Variants in ATXN7L1 observed in about 807,000 individuals in gnomAD.
ATXN7L1 encodes ataxin 7 like 1, also known as ataxin-7-like protein 1.
Under a neutral mutation model 70.8 loss-of-function variants are expected in ATXN7L1, and 15 were observed. That is an observed-to-expected ratio of 0.21 (90% CI 0.14 to 0.33). ATXN7L1 has a LOEUF of 0.33. Ranked by LOEUF, ATXN7L1 falls within the 10% of genes least tolerant of loss-of-function variation. The pLI is 1.00. For synonymous variants in ATXN7L1, 440 were observed against 445.1 expected, an observed-to-expected ratio of 0.99 and a Z score of 0.14; for missense variants, 975 against 1,097.1, an observed-to-expected ratio of 0.89 and a Z score of 1.57.
chr7:105,754,875 G>C (rs1435393782), intron 3 of ATXN7L1, among the ~76,000 whole-genome samples: 1 of 152,186 alleles, frequency 6.6e-6, no homozygotes, highest in Admixed American at 6.5e-5. Context: ...TGCCCTCATG[G>C]GGTGGAATCT....
At position 105,664,999 on chromosome 7, in the gene ATXN7L1, A is replaced by G. The variant is rs555349277; in HGVS notation, c.578+67T>C. 1.4e-5 allele frequency: 20 copies of G among 1,419,810 alleles called. No homozygotes were observed. In the African/African-American group the frequency reaches 2.0e-4, roughly 14 times the overall value. 88.0% of individuals were successfully genotyped at this position (1,419,810 alleles called of 1,614,324 possible). On this transcript the variant is annotated intron_variant, in intron 4 of 11. Transcript: ENST00000419735. The stretch of plus-strand genomic sequence containing the variant: ...GGAACAAAGCCAGAGAGTAAATACT[A>G]TTTCCCCATGGTGACAGGAACAGCA...
chr7:105,670,131 G>A (rs565691052), intron 3 of ATXN7L1, among the ~76,000 whole-genome samples: 5 of 152,228 alleles, frequency 3.3e-5, no homozygotes, highest in African/African-American at 1.2e-4. Context: ...ACACAGTTTT[G>A]CGTTGGTGAG....
chr7:105,634,391 T>C (rs1480233821), intron 7 of ATXN7L1, among the ~76,000 whole-genome samples: 3 of 152,210 alleles, frequency 2.0e-5, no homozygotes, highest in African/African-American at 4.8e-5. Flanking sequence ...CAGAAGGCAA[T>C]TGACCTTGAT....
chr7:105,692,353 C>A (rs1790994802), intron 3 of ATXN7L1, among the ~76,000 whole-genome samples: 1 of 152,020 alleles, frequency 6.6e-6, no homozygotes, highest in African/African-American at 2.4e-5. Context: ...AAGGGACATG[C>A]TGGATGAATT....
intron 2 of ATXN7L1, among the ~76,000 whole-genome samples, chr7:105,796,841 C>A (rs973295928): frequency 6.6e-6 from 1 of 151,960 alleles, no homozygotes. Flanking sequence ...TTATTTGTTC[C>A]CCAATTCTAA....
intron 2 of ATXN7L1, among the ~76,000 whole-genome samples, chr7:105,847,207 T>C (rs1398557334): frequency 1.3e-5 from 2 of 152,318 alleles, no homozygotes; most frequent in African/African-American, 4.8e-5. Flanking sequence ...GCGTGTTCCC[T>C]GAAAAGGCAC....
At chr7:105,715,016 G>C (rs1794371232) in intron 3 of ATXN7L1, among the ~76,000 whole-genome samples, 1 of 152,176 alleles carries the variant, frequency 6.6e-6, no homozygotes, top group African/African-American at 2.4e-5. Flanking sequence ...TGGGTTTCTT[G>C]AGGGTGCGTG....
intron 2 of ATXN7L1, among the ~76,000 whole-genome samples, chr7:105,839,341 A>T (rs1812871185): frequency 6.6e-6 from 1 of 152,114 alleles, no homozygotes; most frequent in African/African-American, 2.4e-5. Context: ...AAACACTCCA[A>T]ATCCAACCCT....
In ATXN7L1 at chr7:105,677,669, T is replaced by G. The variant is rs140288431; in HGVS notation, c.356-12381A>C. ...CTTAACATTAAGTTCCCCTGATACA[T>G]GATAATGTCCATTAAAAACACACAC... On this transcript the variant is annotated intron_variant, in intron 3 of 11. Coordinates refer to ENST00000419735, the MANE Select transcript of ATXN7L1 (RefSeq NM_020725.2). 4.6e-3 allele frequency among the ~76,000 whole-genome samples: 702 copies of G among 152,314 alleles called. 6 individuals are homozygous for G. The highest frequency in any genetic ancestry group is 6.7e-3 in the Non-Finnish European group (454 of 68,024).
chr7:105,613,142 C>G (rs1793314602), intron 10 of ATXN7L1, among the ~76,000 whole-genome samples: 1 of 152,216 alleles, frequency 6.6e-6, no homozygotes, highest in African/African-American at 2.4e-5. Flanking sequence ...GGACTAGACT[C>G]AGGGATGAGA....
chr7:105,690,598 A>G (rs1314538282), intron 3 of ATXN7L1, among the ~76,000 whole-genome samples: 1 of 152,096 alleles, frequency 6.6e-6, no homozygotes, highest in Non-Finnish European at 1.5e-5. Flanking sequence ...TTTAGTTTAA[A>G]ATATTTAACC....
At chr7:105,804,358 T>C (rs1456020806) in intron 2 of ATXN7L1, among the ~76,000 whole-genome samples, 1 of 152,100 alleles carries the variant, frequency 6.6e-6, no homozygotes, top group Non-Finnish European at 1.5e-5. Flanking sequence ...TGTGCATGTA[T>C]GGGTGAAGAG....
intron 7 of ATXN7L1, among the ~76,000 whole-genome samples, chr7:105,636,427 C>T (rs1797382837): frequency 6.7e-6 from 1 of 149,008 alleles, no homozygotes; most frequent in African/African-American, 2.5e-5. Flanking sequence ...CTGTTACCAA[C>T]CTGTGTAATG....
chr7:105,761,608 T>C (rs1047919606), intron 3 of ATXN7L1: 5 of 1,020,682 alleles, frequency 4.9e-6, no homozygotes, highest in Non-Finnish European at 7.0e-6. Context: ...GTCTTCATGA[T>C]CTTGTTCTAT....
chr7:105,646,090 T>C (rs1028587104), intron 4 of ATXN7L1, among the ~76,000 whole-genome samples: 2 of 151,574 alleles, frequency 1.3e-5, no homozygotes, highest in African/African-American at 2.4e-5. Flanking sequence ...GGTGGGAGGA[T>C]TGCTTGAGCC....
intron 2 of ATXN7L1, among the ~76,000 whole-genome samples, chr7:105,808,390 G>C (rs756771055): frequency 6.6e-5 from 10 of 152,232 alleles, no homozygotes; most frequent in Admixed American, 6.5e-4. Flanking sequence ...CAAGGAGCTT[G>C]CTGCTTCTGT....
At chr7:105,642,305 G>A (rs1414678919) in intron 5 of ATXN7L1, among the ~76,000 whole-genome samples, 1 of 152,182 alleles carries the variant, frequency 6.6e-6, no homozygotes, top group East Asian at 1.9e-4. Flanking sequence ...ATTCCAACCT[G>A]ATTATGGGGG....
chr7:105,704,053 C>A (rs1398978578), intron 3 of ATXN7L1, among the ~76,000 whole-genome samples: 1 of 152,192 alleles, frequency 6.6e-6, no homozygotes, highest in African/African-American at 2.4e-5. Flanking sequence ...TCTTTTACAA[C>A]CTTTTACGCT....
intron 3 of ATXN7L1, among the ~76,000 whole-genome samples, chr7:105,736,908 T>G (rs965349330): frequency 9.9e-5 from 15 of 152,230 alleles, no homozygotes; most frequent in African/African-American, 3.6e-4. Context: ...AGAAGAGATG[T>G]GTTCTTTTTA....
Sources: gnomAD v4.1 joint callset for allele counts (sites outside exome capture counted in the v4.1 genomes callset) on GRCh38, gnomAD v4.1.1 for gene constraint, MANE v1.5 for transcripts, NCBI Gene and HGNC (gene_info 2026-07-23, HGNC 2026-07-21) for gene names.